HEY1: variants seen among roughly 807,000 people sequenced by gnomAD.
The protein encoded by HEY1 is hairy/enhancer-of-split related with YRPW motif protein 1.
Under a neutral mutation model 28.7 loss-of-function variants are expected in HEY1, and 9 were observed. That is an observed-to-expected ratio of 0.31 (90% CI 0.19 to 0.55). The LOEUF (loss-of-function observed/expected upper bound fraction) is 0.55, where lower values mean the gene tolerates loss of function less well. Ranked by LOEUF, HEY1 falls within the 20% of genes least tolerant of loss-of-function variation. HEY1 has a pLI of 0.93. For missense variants in HEY1, 385 were observed against 399.4 expected (o/e 0.96, Z 0.31); for synonymous variants, 213 against 175.6 (o/e 1.21, Z -1.68).
rs1210641483 is a variant in HEY1 at position 79,764,136 on chromosome 8, C to A, written c.*1052G>T. ...ACCTGAAAAATGATATTTTATAGCC[C>A]AAATCAAATTAAATAAATCAAAGAG... On this transcript the variant is annotated 3_prime_UTR_variant, in exon 5 of 5. Coordinates refer to ENST00000354724, the MANE Select transcript of HEY1 (RefSeq NM_012258.4). 5.0e-6 allele frequency: 1 copy of A among 201,924 alleles called. No individual in the cohort carries two copies. Among genetic ancestry groups the A allele is most frequent in the Non-Finnish European group, 1.0e-5 (1 of 98,506 alleles). 12.5% of individuals were successfully genotyped at this position (201,924 alleles called of 1,614,324 possible).
At chr8:79,767,146 C>G in intron 2 of HEY1, 54 bp from the exon 3 acceptor site, 1 of 1,575,480 alleles carries the variant, frequency 6.3e-7, no homozygotes, top group East Asian at 2.2e-5. Context: ...CTGTAAATTT[C>G]AAAGACAAAA....
intron 4 of HEY1, 80 bp downstream of exon 4, chr8:79,766,571 T>C: frequency 6.3e-7 from 1 of 1,599,082 alleles, no homozygotes; most frequent in Non-Finnish European, 8.5e-7. Context: ...ATCAGGCAGC[T>C]ACTGCACCAA....
Position 79,765,332 on chromosome 8 carries a change from TGAGGA to T in HEY1, c.766_770del (p.Ser257GlyfsTer37). 1.3e-6 allele frequency: 2 copies of T among 1,571,526 alleles called. No individual in the cohort carries two copies. Among genetic ancestry groups the T allele is most frequent in the Non-Finnish European group, 1.7e-6 (2 of 1,157,802 alleles). On this transcript the variant is annotated frameshift_variant, in exon 5 of 5. Coordinates refer to ENST00000354724, the MANE Select transcript of HEY1 (RefSeq NM_012258.4). LOFTEE classifies it high-confidence loss of function. ...AGGGGAAGGCCGACAGGGAGGCCACTGAGGAGAGCAGAGGCGGCGACAGTTTGGAG... is the reference window on the plus strand; with the variant it reads ...AGGGGAAGGCCGACAGGGAGGCCACTGAGCAGAGGCGGCGACAGTTTGGAG...
In HEY1 at chr8:79,767,200, A is replaced by C. The variant is rs1044986754; in HGVS notation, c.165+19T>G. 1.9e-6 allele frequency: 3 copies of C among 1,601,728 alleles called. No homozygotes were observed. Among genetic ancestry groups the C allele is most frequent in the African/African-American group, 2.7e-5 (2 of 74,210 alleles). On this transcript the variant is annotated intron_variant, in intron 2 of 4. Coordinates refer to ENST00000354724, the MANE Select transcript of HEY1 (RefSeq NM_012258.4). ...GTTAATCAATAACAAAAATAAAAGG[A>C]GAGTGTAAAGAGACTCACTCCTCTC... is the stretch of plus-strand genomic sequence containing the variant.
Position 79,767,257 on chromosome 8 carries a change from T to C in HEY1, c.127A>G (p.Thr43Ala), listed in dbSNP as rs765713886. ...SSALGSMSPTTSSQILARKRR... is the reference protein window; with the variant it reads ...SSALGSMSPTASSQILARKRR... ...TTTCTGGCCAAAATCTGGGAAGATG[T>C]AGTTGGGGACATGGAACCTAGAGCC... The change falls in exon 2 of 5, where the codon ACA (threonine) becomes GCA (alanine). Residue 43 changes from threonine (T) to alanine (A), a missense_variant. Coordinates refer to ENST00000354724, the MANE Select transcript of HEY1 (RefSeq NM_012258.4). The C allele has an allele frequency of 1.1e-5, 18 of 1,613,918 alleles. No homozygotes were observed. Among genetic ancestry groups the C allele is most frequent in the Non-Finnish European group, 1.2e-5 (14 of 1,179,894 alleles).
At chr8:79,767,128 CA>C in intron 2 of HEY1, 36 bp from the exon 3 acceptor site, 1 of 1,587,050 alleles carries the variant, frequency 6.3e-7, no homozygotes, top group East Asian at 2.2e-5. Flanking sequence ...AAGGCATTAC[CA>C]TTACGACTGT....
Position 79,765,323 on chromosome 8 carries a change from G to T in HEY1, c.780C>A (p.Ser260=). The change falls in exon 5 of 5, where the codon TCC becomes TCA. Residue 260 remains serine, a synonymous_variant. Coordinates refer to ENST00000354724, the MANE Select transcript of HEY1 (RefSeq NM_012258.4). ...CGAAAGAGAAGGGGAAGGCCGACAG[G>T]GAGGCCACTGAGGAGAGCAGAGGCG... ...LSPPLLSSVA[S]LSAFPFSFGS... 1 of 1,566,986 alleles carries T rather than the reference G, an allele frequency of 6.4e-7. No individual in the cohort carries two copies. Among genetic ancestry groups the T allele is most frequent in the East Asian group, 2.3e-5 (1 of 42,836 alleles).
chr8:79,764,399 G>A lies in HEY1; in HGVS notation c.*789C>T, dbSNP rs1807777078. 1 of 226,448 alleles carries A rather than the reference G, an allele frequency of 4.4e-6. No individual in the cohort carries two copies. Among genetic ancestry groups the A allele is most frequent in the Non-Finnish European group, 8.8e-6 (1 of 113,952 alleles). 14.0% of individuals were successfully genotyped at this position (226,448 alleles called of 1,614,324 possible). On this transcript the variant is annotated 3_prime_UTR_variant, in exon 5 of 5. Transcript: ENST00000354724. ...TGATTAAAAATTCTTTGTGTTGCTGGGGCTGGTAAATGCAGGCGTATTCTA... is the reference window on the plus strand; with the variant it reads ...TGATTAAAAATTCTTTGTGTTGCTGAGGCTGGTAAATGCAGGCGTATTCTA...
In HEY1 at chr8:79,767,040, C is replaced by G; in HGVS notation, c.218G>C (p.Arg73Thr). The G allele has an allele frequency of 6.2e-7, 1 of 1,614,116 alleles. No individual in the cohort carries two copies. The highest frequency in any genetic ancestry group is 8.5e-7 in the Non-Finnish European group (1 of 1,180,018). ...CTCAAAAGCACTGGGTACCAGCCTT[C>G]TCAGCTCAGACAAACTGTTATTGAT... Reference protein sequence around the residue: ...DRINNSLSELRRLVPSAFEKQ... With the variant: ...DRINNSLSELTRLVPSAFEKQ... The change falls in exon 3 of 5, where the codon AGA becomes ACA. Residue 73 changes from arginine (R) to threonine (T), a missense_variant. By Grantham distance (71) the Arg-to-Thr change is moderately conservative. Around this residue, in one of 3 missense-constraint regions of HEY1, gnomAD observed 83 missense variants for 122.7 expected, o/e 0.68. Transcript: ENST00000354724.
chr8:79,766,889 G>A (rs1307277443), intron 3 of HEY1, 120 bp downstream of exon 3: 2 of 1,199,810 alleles, frequency 1.7e-6, no homozygotes, highest in East Asian at 4.7e-5. Flanking sequence ...TGGTATCTGT[G>A]TACGAATTCA....
At position 79,767,625 on chromosome 8, in the gene HEY1, G is replaced by C; in HGVS notation, c.39C>G (p.Ser13Arg). ...RAHPEYSSSD[S>R]ELDETIEVEK... Reference sequence around the variant, plus strand: ...CCACCTCGATGGTCTCGTCCAGCTCGCTGTCCGAGGAGCTGTACTCGGGGT... The same window carrying C: ...CCACCTCGATGGTCTCGTCCAGCTCCCTGTCCGAGGAGCTGTACTCGGGGT... The change falls in exon 1 of 5, where the codon AGC becomes AGG. Residue 13 changes from serine to arginine, a missense_variant. Transcript: ENST00000354724. The C allele has an allele frequency of 6.2e-7, 1 of 1,610,098 alleles. No individual in the cohort carries two copies. Among genetic ancestry groups the C allele is most frequent in the Non-Finnish European group, 8.5e-7 (1 of 1,178,820 alleles).
In HEY1 at chr8:79,765,426, GC is replaced by G. The variant is rs755178862; in HGVS notation, c.676del (p.Ala226ArgfsTer54). On this transcript the variant is annotated frameshift_variant, in exon 5 of 5. Coordinates refer to ENST00000354724, the MANE Select transcript of HEY1 (RefSeq NM_012258.4). LOFTEE classifies it high-confidence loss of function. Reference sequence around the variant, plus strand: ...GCTAGGGGGCGCTCGCAAAGCAGGCGCCTCCGGATGTGCCGAGCCCAGCCTG... The same window carrying G: ...GCTAGGGGGCGCTCGCAAAGCAGGCGCTCCGGATGTGCCGAGCCCAGCCTG... ...QGRLGSAHPE[A>X]PALRAPPSGS... 9 of 1,611,690 alleles carry G rather than the reference GC, an allele frequency of 5.6e-6. No homozygotes were observed. Among genetic ancestry groups the G allele is most frequent in the Non-Finnish European group, 7.6e-6 (9 of 1,178,966 alleles).
At position 79,764,802 on chromosome 8, in the gene HEY1, C is replaced by A. The variant is rs1223701845; in HGVS notation, c.*386G>T. Reference sequence around the variant, plus strand: ...AATTAATTCTAAAAACAGACCATAACTATACAAGGAGAAAAACAGACCAAA... The same window carrying A: ...AATTAATTCTAAAAACAGACCATAAATATACAAGGAGAAAAACAGACCAAA... On this transcript the variant is annotated 3_prime_UTR_variant, in exon 5 of 5. Transcript: ENST00000354724. 2 of 229,986 alleles carry A rather than the reference C, an allele frequency of 8.7e-6. No individual in the cohort carries two copies. The allele number at this position is 229,986 out of a possible 1,614,324, so 14.2% of individuals were successfully genotyped here. A position where few individuals can be genotyped will look rare whatever the true frequency, so the allele number is the denominator to read the frequency against.
rs767896311 is a variant in HEY1 at position 79,767,587 on chromosome 8, G to T, written c.77C>A (p.Ala26Glu). 6.2e-7 allele frequency: 1 copy of T among 1,608,454 alleles called. No homozygotes were observed. The highest frequency in any genetic ancestry group is 8.5e-7 in the Non-Finnish European group (1 of 1,178,040). The change falls in exon 1 of 5, where the codon GCG becomes GAG. Residue 26 changes from alanine (A) to glutamate (E), a missense_variant. By Grantham distance (107) the Ala-to-Glu change is moderately radical. Coordinates refer to ENST00000354724, the MANE Select transcript of HEY1 (RefSeq NM_012258.4). ...DETIEVEKESADENGNLSSAL... is the reference protein window; with the variant it reads ...DETIEVEKESEDENGNLSSAL... ...GCCGCCAGCTCACCCATTCTCGTCC[G>T]CACTCTCCTTCTCCACCTCGATGGT...
chr8:79,767,584 T>C lies in HEY1; in HGVS notation c.80A>G (p.Asp27Gly). ...GCCGCCGCCAGCTCACCCATTCTCG[T>C]CCGCACTCTCCTTCTCCACCTCGAT... ...ETIEVEKESA[D>G]ENGNLSSALG... Residue 27 changes from aspartate (D) to glycine (G), a missense_variant, in exon 1 of 5, where the codon GAC becomes GGC. Physicochemically the swap from Asp to Gly is moderately conservative, Grantham distance 94. Transcript: ENST00000354724. 1 of 1,608,650 alleles carries C rather than the reference T, an allele frequency of 6.2e-7. No homozygotes were observed. Among genetic ancestry groups the C allele is most frequent in the Non-Finnish European group, 8.5e-7 (1 of 1,178,174 alleles).
In HEY1 at chr8:79,764,542, T is replaced by C. The variant is rs1410113765; in HGVS notation, c.*646A>G. The C allele has an allele frequency of 4.4e-6, 1 of 227,426 alleles. No individual in the cohort carries two copies. The highest frequency in any genetic ancestry group is 8.7e-6 in the Non-Finnish European group (1 of 114,424). 14.1% of individuals were successfully genotyped at this position (227,426 alleles called of 1,614,324 possible). A position where few individuals can be genotyped will look rare whatever the true frequency, so the allele number is the denominator to read the frequency against. ...TGGCAGATACCAGCAGCTGGTCAGA[T>C]GGATTCAGGGCCACCAACAGTTTGT... On this transcript the variant is annotated 3_prime_UTR_variant, in exon 5 of 5. Coordinates refer to ENST00000354724, the MANE Select transcript of HEY1 (RefSeq NM_012258.4).
rs781573163 is a variant in HEY1 at position 79,765,066 on chromosome 8, A to T, written c.*122T>A. 17 of 644,202 alleles carry T rather than the reference A, an allele frequency of 2.6e-5. No individual in the cohort carries two copies. Among genetic ancestry groups the T allele is most frequent in the Non-Finnish European group, 3.7e-5 (15 of 406,362 alleles). 39.9% of individuals were successfully genotyped at this position (644,202 alleles called of 1,614,324 possible). Reference sequence around the variant, plus strand: ...AACAAACCTTTAGTCTTTAAAAAAAAAATTATCTGAAAGTGTACCTTTTTC... The same window carrying T: ...AACAAACCTTTAGTCTTTAAAAAAATAATTATCTGAAAGTGTACCTTTTTC... On this transcript the variant is annotated 3_prime_UTR_variant, in exon 5 of 5. Coordinates refer to ENST00000354724, the MANE Select transcript of HEY1 (RefSeq NM_012258.4).
rs1359426663 is a variant in HEY1, at chr8:79,764,896, T to G, written c.*292A>C. The G allele has an allele frequency of 1.1e-5, 3 of 277,754 alleles. No individual in the cohort carries two copies. The highest frequency in any genetic ancestry group is 1.1e-4 in the East Asian group (2 of 18,034). The allele number at this position is 277,754 out of a possible 1,614,324, so 17.2% of individuals were successfully genotyped here. A position where few individuals can be genotyped will look rare whatever the true frequency, so the allele number is the denominator to read the frequency against. On this transcript the variant is annotated 3_prime_UTR_variant, in exon 5 of 5. Transcript: ENST00000354724. ...AATCATTCTGGTTTACAAAGTAAAT[T>G]AGGCACAGTACAAACCTATCACAAA...
At chr8:79,766,065 C>A (rs1186717698) in intron 4 of HEY1, 7 of 714,410 alleles carry the variant, frequency 9.8e-6, no homozygotes, top group South Asian at 6.0e-5. Flanking sequence ...TCAACAACAA[C>A]AAAAAATACA....
Sources: gnomAD v4.1 joint callset for allele counts on GRCh38, gnomAD v4.1.1 for gene constraint, gnomAD v4.1.1 regional missense constraint, MANE v1.5 for transcripts, NCBI Gene and HGNC (gene_info 2026-07-23, HGNC 2026-07-21) for gene names.